PCDHGA6: variants seen among roughly 807,000 people sequenced by gnomAD.
PCDHGA6 encodes protocadherin gamma subfamily A, 6, also known as protocadherin gamma-A6.
PCDHGA6 carries 41 observed loss-of-function variants against 60.6 expected under a neutral mutation model. The ratio of observed to expected loss-of-function variants is 0.68; its 90% CI spans 0.53 to 0.88. The LOEUF (loss-of-function observed/expected upper bound fraction) is 0.88, where lower values mean the gene tolerates loss of function less well. Among genes scored for constraint, PCDHGA6 ranks in the 40% least tolerant of loss-of-function variants. The probability of loss-of-function intolerance (pLI) is 0.00; values close to 1 mark genes in which losing one functional copy is unlikely to be tolerated. For synonymous variants in PCDHGA6, 594 were observed against 524.4 expected (o/e 1.13, Z -1.81); for missense variants, 1,312 against 1,203.0 (o/e 1.09, Z -1.34).
chr5:141,418,647 G>C, intron 1 of PCDHGA6: 1 of 1,614,034 alleles, frequency 6.2e-7, no homozygotes, highest in Non-Finnish European at 8.5e-7. Flanking sequence ...TCCATCCTGA[G>C]AGTGAAGGCC....
At chr5:141,399,901 G>A (rs767228671) in intron 1 of PCDHGA6, 42 of 1,612,296 alleles carry the variant, frequency 2.6e-5, no homozygotes, top group African/African-American at 1.3e-5. Flanking sequence ...GGCCGTGGAC[G>A]CAGACTCAGG....
intron 1 of PCDHGA6, chr5:141,413,000 A>G: frequency 1.7e-6 from 1 of 587,734 alleles, no homozygotes; most frequent in Admixed American, 3.6e-5. Context: ...CCGGATTCTC[A>G]GGGCTTCAAC....
chr5:141,481,676 G>T (rs975849679), intron 1 of PCDHGA6, among the ~76,000 whole-genome samples: 1 of 152,028 alleles, frequency 6.6e-6, no homozygotes, highest in Non-Finnish European at 1.5e-5. Flanking sequence ...AAATCAGGCC[G>T]GGCCTGGTGG....
At chr5:141,388,558 C>G in intron 1 of PCDHGA6, 1 of 1,613,910 alleles carries the variant, frequency 6.2e-7, no homozygotes, top group Non-Finnish European at 8.5e-7. Context: ...CTAAGCAGCA[C>G]TGCACAGATA....
chr5:141,407,529 T>G (rs2154538729), intron 1 of PCDHGA6, among the ~76,000 whole-genome samples: 1 of 151,552 alleles, frequency 6.6e-6, no homozygotes, highest in South Asian at 2.1e-4. Context: ...CTTAACTTAT[T>G]GTGCATTGGT....
At chr5:141,388,941 C>A (rs191165529) in intron 1 of PCDHGA6, 1 of 1,613,962 alleles carries the variant, frequency 6.2e-7, no homozygotes, top group South Asian at 1.1e-5. Context: ...TCTACCCAAC[C>A]TAATTATGGA....
Position 141,477,749 on chromosome 5 carries a change from C to T in PCDHGA6, c.2425-17058C>T. The stretch of plus-strand genomic sequence containing the variant: ...AGCTCATATCAGCGATGGGGGCACC[C>T]CGGTCCTAGCCACCAACATCAGCGT... On this transcript the variant is annotated intron_variant, in intron 1 of 3. Transcript: ENST00000517434. The surrounding 1 kb of genome is among the most constrained non-coding windows in gnomAD (Gnocchi z 4.9). 1 of 1,613,904 alleles carries T rather than the reference C, an allele frequency of 6.2e-7. No homozygotes were observed. Among genetic ancestry groups the T allele is most frequent in the Non-Finnish European group, 8.5e-7 (1 of 1,180,030 alleles).
rs2093964070 is a variant in PCDHGA6, at chr5:141,400,115, G to A, written c.2424+23608G>A. On this transcript the variant is annotated intron_variant, in intron 1 of 3. Coordinates refer to ENST00000517434, the MANE Select transcript of PCDHGA6 (RefSeq NM_018919.3). ...ACGCTGCACTTGGTCTTTGCTGACA[G>A]CTTGCAGGAGGTGCTGCCGGATATC... The A allele has an allele frequency of 1.9e-6, 3 of 1,613,966 alleles. No individual in the cohort carries two copies. The African/African-American group carries it at 4.0e-5, about 22-fold the overall frequency.
At chr5:141,411,250 T>C (rs1009574489) in intron 1 of PCDHGA6, 1 of 152,156 alleles carries the variant, frequency 6.6e-6, no homozygotes, top group African/African-American at 2.4e-5. Context: ...ATTTACGATA[T>C]CTTATTTATA....
intron 1 of PCDHGA6, among the ~76,000 whole-genome samples, chr5:141,462,993 T>A (rs1350208420): frequency 1.3e-5 from 2 of 152,164 alleles, no homozygotes; most frequent in African/African-American, 4.8e-5. Flanking sequence ...TTGGGCTAAT[T>A]TAGACCTACC....
intron 1 of PCDHGA6, chr5:141,422,104 T>C: frequency 6.2e-7 from 1 of 1,607,960 alleles, no homozygotes; most frequent in Non-Finnish European, 8.5e-7. Context: ...TTCTGAAATA[T>C]TCCAATTGGA....
In PCDHGA6 at chr5:141,374,344, G is replaced by A. The variant is rs1770398551; in HGVS notation, c.261G>A (p.Ala87=). The A allele has an allele frequency of 6.2e-7, 1 of 1,614,034 alleles. No homozygotes were observed. Among genetic ancestry groups the A allele is most frequent in the Non-Finnish European group, 8.5e-7 (1 of 1,179,898 alleles). Residue 87 remains alanine, a synonymous_variant, in exon 1 of 4, where the codon GCG becomes GCA. Coordinates refer to ENST00000517434, the MANE Select transcript of PCDHGA6 (RefSeq NM_018919.3). ...LNPRNGSLVT[A]GRIDREELCA... is the part of the protein sequence containing the mutation. ...CGCGAAACGGCAGCTTGGTCACCGC[G>A]GGTAGGATAGACCGCGAGGAGCTCT... is the stretch of plus-strand genomic sequence containing the variant.
intron 1 of PCDHGA6, chr5:141,422,633 G>C: frequency 6.2e-7 from 1 of 1,613,120 alleles, no homozygotes; most frequent in Non-Finnish European, 8.5e-7. Context: ...AACCCCAGGG[G>C]TGCCTCCATC....
At chr5:141,420,907 C>G (rs916293573) in intron 1 of PCDHGA6, 3 of 301,914 alleles carry the variant, frequency 9.9e-6, no homozygotes, top group Admixed American at 4.6e-5. Context: ...TCTACAAATA[C>G]GTGTGATTCA....
chr5:141,403,929 G>A (rs1203236737), intron 1 of PCDHGA6: 5 of 1,613,854 alleles, frequency 3.1e-6, no homozygotes, highest in Non-Finnish European at 4.2e-6. Context: ...GATGGTGGGG[G>A]ATTGAAAGGG....
chr5:141,423,132 C>T (rs375287728), intron 1 of PCDHGA6: 41 of 1,613,540 alleles, frequency 2.5e-5, no homozygotes, highest in Non-Finnish European at 3.3e-5. Flanking sequence ...CACTGCTGGA[C>T]AGAGACGCGC....
At chr5:141,399,001 T>C in intron 1 of PCDHGA6, 1 of 1,613,890 alleles carries the variant, frequency 6.2e-7, no homozygotes, top group Non-Finnish European at 8.5e-7. Context: ...TAGTCTGAAT[T>C]CAAAGAGCGG....
intron 1 of PCDHGA6, among the ~76,000 whole-genome samples, chr5:141,397,283 A>G: frequency 6.6e-6 from 1 of 152,232 alleles, no homozygotes; most frequent in East Asian, 1.9e-4. Context: ...TGGGCAGTAT[A>G]CTTGAATGAA....
chr5:141,410,333 A>G lies in PCDHGA6; in HGVS notation c.2424+33826A>G, dbSNP rs774436706. 4.7e-5 allele frequency: 76 copies of G among 1,613,666 alleles called. No individual in the cohort carries two copies. Among genetic ancestry groups the G allele is most frequent in the Non-Finnish European group, 4.0e-5 (47 of 1,179,884 alleles). ...CTTCCTCCTCGCCGTGATTCTGGCC[A>G]TTGCCTTGCGCCTGCGACGCTCTCT... On this transcript the variant is annotated intron_variant, in intron 1 of 3. Transcript: ENST00000517434.
Sources: allele counts gnomAD v4.1 joint callset (sites outside exome capture counted in the v4.1 genomes callset), GRCh38; gene constraint gnomAD v4.1.1; non-coding constraint Gnocchi (gnomAD v3.1); transcripts MANE v1.5; gene names NCBI Gene and HGNC (gene_info 2026-07-23, HGNC 2026-07-21).